BRF1: variants seen among roughly 807,000 people sequenced by gnomAD.
BRF1 encodes transcription factor IIIB 90 kDa subunit.
Under a neutral mutation model 81.7 loss-of-function variants are expected in BRF1, and 59 were observed. The observed-to-expected ratio is 0.72, with a 90% confidence interval of 0.59 to 0.90. The LOEUF is 0.90. BRF1 is among the 40% of genes least tolerant of loss of function. The probability of loss-of-function intolerance (pLI) is 0.00; values close to 1 mark genes in which losing one functional copy is unlikely to be tolerated. For missense variants in BRF1, 1,050 were observed against 936.3 expected (o/e 1.12, Z -1.58); for synonymous variants, 491 against 395.6 (o/e 1.24, Z -2.86).
intron 10 of BRF1, among the ~76,000 whole-genome samples, chr14:105,222,733 A>G (rs1370150518): frequency 6.6e-6 from 1 of 151,404 alleles, no homozygotes; most frequent in Non-Finnish European, 1.5e-5. Flanking sequence ...GGTTCACGCC[A>G]TTCTCCTGCC....
intron 5 of BRF1, chr14:105,249,564 T>A: frequency 3.8e-6 from 6 of 1,588,724 alleles, no homozygotes; most frequent in African/African-American, 1.3e-5. Flanking sequence ...CAGGAGCTGA[T>A]GGACTCCTCT....
chr14:105,222,778 G>A (rs1248725965), intron 10 of BRF1, among the ~76,000 whole-genome samples: 3 of 152,058 alleles, frequency 2.0e-5, no homozygotes, highest in Non-Finnish European at 4.4e-5. Flanking sequence ...ACAGGCGCCC[G>A]CCACCACACC....
intron 2 of BRF1, among the ~76,000 whole-genome samples, chr14:105,278,202 C>T (rs2056923507): frequency 6.6e-6 from 1 of 152,148 alleles, no homozygotes; most frequent in South Asian, 2.1e-4. Context: ...GTAGTAATCC[C>T]AGCACTTCGG....
At chr14:105,267,470 T>C (rs2056469611) in intron 3 of BRF1, among the ~76,000 whole-genome samples, 1 of 151,790 alleles carries the variant, frequency 6.6e-6, no homozygotes, top group South Asian at 2.1e-4. Flanking sequence ...GCTGGATTTT[T>C]TTTTTTGTTT....
At chr14:105,257,091 G>A (rs587613050) in intron 3 of BRF1, among the ~76,000 whole-genome samples, 18 of 152,256 alleles carry the variant, frequency 1.2e-4, no homozygotes, top group African/African-American at 2.9e-4. Context: ...GGCTGCGCTC[G>A]AGAGACAGGT....
At chr14:105,310,747 C>G (rs587660349) in intron 1 of BRF1, among the ~76,000 whole-genome samples, 1 of 152,252 alleles carries the variant, frequency 6.6e-6, no homozygotes, top group East Asian at 1.9e-4. Context: ...ACAATTAATA[C>G]ATGTTCATCA....
At chr14:105,242,333 T>TA (rs1314091258) in intron 5 of BRF1, 2 of 152,240 alleles carry the variant, frequency 1.3e-5, no homozygotes, top group Admixed American at 6.5e-5. Flanking sequence ...GCTGCTAAAA[T>TA]AGATATTATT....
chr14:105,261,099 C>A (rs994417820), intron 3 of BRF1, among the ~76,000 whole-genome samples: 1 of 152,242 alleles, frequency 6.6e-6, no homozygotes, highest in African/African-American at 2.4e-5. Context: ...GCCCTGTCTG[C>A]GGCCCCCAGG....
Position 105,226,493 on chromosome 14 carries a change from G to A in BRF1, c.915+141C>T, listed in dbSNP as rs116370012. ...TGTGTGAGGGGCATCCCGGAGCCTC[G>A]GGCTCTGGCTGGTCATAGCACTGAA... On this transcript the variant is annotated intron_variant, in intron 8 of 17. Coordinates refer to ENST00000547530, the MANE Select transcript of BRF1 (RefSeq NM_001519.4). 3.0e-3 allele frequency: 4,499 copies of A among 1,499,016 alleles called. 114 individuals carry two copies. The African/African-American group carries it at 0.052, about 17-fold the overall frequency. The allele number at this position is 1,499,016 out of a possible 1,614,324, so 92.9% of individuals were successfully genotyped here.
chr14:105,283,791 A>G (rs1478409075), intron 2 of BRF1, among the ~76,000 whole-genome samples: 1 of 152,222 alleles, frequency 6.6e-6, no homozygotes, highest in African/African-American at 2.4e-5. Flanking sequence ...TGTGGAGAAC[A>G]AAGCTCTTCA....
Position 105,210,379 on chromosome 14 carries a change from A to C in BRF1, c.*172T>G. On this transcript the variant is annotated 3_prime_UTR_variant, in exon 18 of 18. Transcript: ENST00000547530. This position sits in a 1 kb window ranked among gnomAD's most constrained non-coding sequence, Gnocchi z 4.7. ...GGTCCGGTTTCCCTTGCTGAATAGA[A>C]ACACAATCCCAATGGTAAGTTCCAC... 1 of 687,830 alleles carries C rather than the reference A, an allele frequency of 1.5e-6. No individual in the cohort carries two copies. The allele number at this position is 687,830 out of a possible 1,614,324, so 42.6% of individuals were successfully genotyped here.
intron 12 of BRF1, 158 bp downstream of exon 12, chr14:105,219,911 T>C: frequency 1.2e-5 from 8 of 671,250 alleles, no homozygotes; most frequent in South Asian, 6.9e-5. Context: ...TGGGGGGGGG[T>C]CCCGGGAACA....
chr14:105,211,452 C>CT (rs1890099537), intron 16 of BRF1, 159 bp from the exon 17 acceptor site: 3 of 637,504 alleles, frequency 4.7e-6, no homozygotes, highest in Non-Finnish European at 7.9e-6. Flanking sequence ...CTGGCCCCTT[C>CT]TGGCCTCCTG....
rs1216749560 is a variant in BRF1, at chr14:105,315,469, G to A, written c.-309C>T. 6.6e-6 allele frequency: 1 copy of A among 152,236 alleles called. No individual in the cohort carries two copies. The highest frequency in any genetic ancestry group is 2.4e-5 in the African/African-American group (1 of 41,454). The allele number at this position is 152,236 out of a possible 1,614,324, so 9.4% of individuals were successfully genotyped here. A position where few individuals can be genotyped will look rare whatever the true frequency, so the allele number is the denominator to read the frequency against. ...GGCCTGGGAGCGACCCCCGGCGCACGGGGCGCGCAGGACTCGGTTGTATCC... is the reference window on the plus strand; with the variant it reads ...GGCCTGGGAGCGACCCCCGGCGCACAGGGCGCGCAGGACTCGGTTGTATCC... On this transcript the variant is annotated 5_prime_UTR_variant, in exon 1 of 18. Transcript: ENST00000327359. The surrounding 1 kb of genome is among the most constrained non-coding windows in gnomAD (Gnocchi z 4.4).
chr14:105,289,997 C>G (rs1165124586), intron 1 of BRF1, among the ~76,000 whole-genome samples: 1 of 152,168 alleles, frequency 6.6e-6, no homozygotes, highest in Admixed American at 6.5e-5. Flanking sequence ...ATGCTGGTCT[C>G]CAGCACATGC....
At chr14:105,260,748 G>C (rs755360066) in intron 3 of BRF1, among the ~76,000 whole-genome samples, 4 of 152,212 alleles carry the variant, frequency 2.6e-5, no homozygotes, top group Non-Finnish European at 4.4e-5. Flanking sequence ...AACATTTAAC[G>C]AAGTTAGAAT....
chr14:105,293,814 C>G (rs918352977), intron 1 of BRF1, among the ~76,000 whole-genome samples: 2 of 152,242 alleles, frequency 1.3e-5, no homozygotes, highest in African/African-American at 2.4e-5. Context: ...GGGGACTCTC[C>G]TGAGGCCTCT....
intron 2 of BRF1, among the ~76,000 whole-genome samples, chr14:105,278,331 C>A (rs1335956204): frequency 6.6e-6 from 1 of 151,452 alleles, no homozygotes; most frequent in Non-Finnish European, 1.5e-5. Context: ...GTAGGCCCAG[C>A]CAAGGTAGGA....
At chr14:105,254,478 C>T (rs587767012) in intron 4 of BRF1, among the ~76,000 whole-genome samples, 9 of 152,202 alleles carry the variant, frequency 5.9e-5, no homozygotes, top group Admixed American at 2.6e-4. Context: ...AGGATGGTCT[C>T]GATCTCCAGA....
Sources: allele counts gnomAD v4.1 joint callset (sites outside exome capture counted in the v4.1 genomes callset), GRCh38; gene constraint gnomAD v4.1.1; non-coding constraint Gnocchi (gnomAD v3.1); transcripts MANE v1.5; gene names NCBI Gene and HGNC (gene_info 2026-07-23, HGNC 2026-07-21).